Variants in NELL2 observed in about 807,000 individuals in gnomAD.
The protein encoded by NELL2 is protein kinase C-binding protein NELL2.
In NELL2, 41 loss-of-function variants were observed where a neutral mutation model predicts 109.6. The ratio of observed to expected loss-of-function variants is 0.37; its 90% CI spans 0.29 to 0.49. The LOEUF is 0.49. Ranked by LOEUF, NELL2 falls within the 20% of genes least tolerant of loss-of-function variation. The pLI, the probability that NELL2 is intolerant of heterozygous loss-of-function variation, is 0.98. For missense variants in NELL2, 900 were observed against 1,008.3 expected, an observed-to-expected ratio of 0.89 and a Z score of 1.45; for synonymous variants, 355 against 344.7, an observed-to-expected ratio of 1.03 and a Z score of -0.33.
chr12:44,821,786 C>T (rs1322210333), intron 2 of NELL2, among the ~76,000 whole-genome samples: 3 of 151,808 alleles, frequency 2.0e-5, no homozygotes, highest in Non-Finnish European at 2.9e-5. Flanking sequence ...GATGCAATCT[C>T]GGCTCACTGC....
At chr12:44,563,240 C>A (rs919752494) in intron 15 of NELL2, among the ~76,000 whole-genome samples, 1 of 151,968 alleles carries the variant, frequency 6.6e-6, no homozygotes, top group African/African-American at 2.4e-5. Context: ...GTGCAGCAAA[C>A]CACCATGGCA....
intron 12 of NELL2, among the ~76,000 whole-genome samples, chr12:44,676,901 C>A (rs1413613976): frequency 1.3e-5 from 2 of 152,068 alleles, no homozygotes; most frequent in Non-Finnish European, 2.9e-5. Context: ...AACTTAGATA[C>A]CAACAGCATA....
intron 15 of NELL2, among the ~76,000 whole-genome samples, chr12:44,538,788 G>C (rs1427647179): frequency 1.3e-5 from 2 of 152,172 alleles, no homozygotes; most frequent in Non-Finnish European, 2.9e-5. Flanking sequence ...CATGTCCCCT[G>C]TGTTGATGTC....
In NELL2 at chr12:44,714,631, C is replaced by T; in HGVS notation, c.1086+19G>A. 1 of 1,462,708 alleles carries T rather than the reference C, an allele frequency of 6.8e-7. No individual in the cohort carries two copies. Among genetic ancestry groups the T allele is most frequent in the Non-Finnish European group, 9.3e-7 (1 of 1,074,152 alleles). The allele number at this position is 1,462,708 out of a possible 1,614,324, so 90.6% of individuals were successfully genotyped here. ...ATAAATAGAAACAATTTTGAAAGACCCACGAATAGTCTTCTTACCTTGCAC... is the reference window on the plus strand; with the variant it reads ...ATAAATAGAAACAATTTTGAAAGACTCACGAATAGTCTTCTTACCTTGCAC... On this transcript the variant is annotated intron_variant, in intron 10 of 19. Transcript: ENST00000429094.
intron 15 of NELL2, among the ~76,000 whole-genome samples, chr12:44,572,020 GA>G (rs985844695): frequency 6.6e-6 from 1 of 151,616 alleles, no homozygotes; most frequent in African/African-American, 2.4e-5. Flanking sequence ...GCTCAAAAAA[GA>G]AAAAAAGGAC....
intron 19 of NELL2, 23 bp from the exon 20 acceptor site, chr12:44,509,007 G>T: frequency 6.2e-7 from 1 of 1,601,786 alleles, no homozygotes; most frequent in Non-Finnish European, 8.5e-7. Flanking sequence ...AAAGTAGAAA[G>T]AAAAACAGTA....
intron 3 of NELL2, 131 bp downstream of exon 3, chr12:44,815,855 G>A: frequency 2.1e-6 from 2 of 961,892 alleles, no homozygotes; most frequent in Non-Finnish European, 3.0e-6. Flanking sequence ...CTGACCTCGT[G>A]ATTTGCCCAC....
intron 19 of NELL2, among the ~76,000 whole-genome samples, chr12:44,516,703 C>T (rs1010394655): frequency 1.3e-5 from 2 of 152,072 alleles, no homozygotes; most frequent in Admixed American, 1.3e-4. Flanking sequence ...CTTTGTCACC[C>T]AAGGTGGAGT....
chr12:44,661,140 T>C (rs1053548799), intron 13 of NELL2, among the ~76,000 whole-genome samples: 6 of 152,138 alleles, frequency 3.9e-5, no homozygotes, highest in Non-Finnish European at 8.8e-5. Flanking sequence ...TGAGCATGCA[T>C]ACAACTTCCT....
chr12:44,800,094 C>T (rs989141253), intron 3 of NELL2, among the ~76,000 whole-genome samples: 2 of 151,950 alleles, frequency 1.3e-5, no homozygotes, highest in Non-Finnish European at 2.9e-5. Context: ...GAATAACACG[C>T]TTATTGAGGA....
chr12:44,722,142 C>T (rs1938809088), intron 9 of NELL2, among the ~76,000 whole-genome samples: 1 of 151,478 alleles, frequency 6.6e-6, no homozygotes, highest in Admixed American at 6.6e-5. Context: ...TTCATAAAGA[C>T]ATGGGGCAAG....
At chr12:44,637,864 C>A (rs921493908) in intron 13 of NELL2, among the ~76,000 whole-genome samples, 2 of 151,884 alleles carry the variant, frequency 1.3e-5, no homozygotes, top group Non-Finnish European at 2.9e-5. Context: ...AGACTAGCCT[C>A]CTGTGTCTAT....
chr12:44,819,639 C>G (rs963327368), intron 2 of NELL2, among the ~76,000 whole-genome samples: 2 of 152,122 alleles, frequency 1.3e-5, no homozygotes, highest in African/African-American at 4.8e-5. Context: ...GGACTCCATC[C>G]AGCTTAAACT....
intron 9 of NELL2, among the ~76,000 whole-genome samples, chr12:44,736,333 T>G (rs527627265): frequency 1.3e-5 from 2 of 152,096 alleles, no homozygotes; most frequent in Non-Finnish European, 2.9e-5. Context: ...AAAAAAAGCA[T>G]TGGGTAACTC....
intron 10 of NELL2, among the ~76,000 whole-genome samples, chr12:44,711,915 A>G (rs928433164): frequency 6.6e-6 from 1 of 152,126 alleles, no homozygotes; most frequent in African/African-American, 2.4e-5. Flanking sequence ...TTGTAAATTA[A>G]TGTCTAGCAC....
chr12:44,830,386 A>G (rs971417308), intron 2 of NELL2, among the ~76,000 whole-genome samples: 6 of 152,186 alleles, frequency 3.9e-5, no homozygotes, highest in Non-Finnish European at 8.8e-5. Context: ...TCCTTCTTTA[A>G]TTATAATAAT....
At chr12:44,574,146 C>A (rs985471494) in intron 15 of NELL2, among the ~76,000 whole-genome samples, 3 of 151,964 alleles carry the variant, frequency 2.0e-5, no homozygotes, top group Non-Finnish European at 4.4e-5. Flanking sequence ...TCACTGCAAC[C>A]TCTGTCTCTT....
At chr12:44,638,017 T>A (rs1321199645) in intron 13 of NELL2, among the ~76,000 whole-genome samples, 1 of 152,056 alleles carries the variant, frequency 6.6e-6, no homozygotes, top group Non-Finnish European at 1.5e-5. Flanking sequence ...TTTGTCAGAT[T>A]CCCTCATCCT....
chr12:44,875,214 GC>G lies in NELL2; in HGVS notation c.184+10del, dbSNP rs757539975. 6.2e-6 allele frequency: 10 copies of G among 1,604,930 alleles called. No homozygotes were observed. Reference sequence around the variant, plus strand: ...TGAAATCACAGTGGGGATGCAGCACGCCGGGCATACCTTGAAAGAGAAAGGC... The same window carrying G: ...TGAAATCACAGTGGGGATGCAGCACGCGGGCATACCTTGAAAGAGAAAGGC... On this transcript the variant is annotated intron_variant, in intron 2 of 19. Coordinates refer to ENST00000429094, the MANE Select transcript of NELL2 (RefSeq NM_001145108.2).
Sources: allele counts gnomAD v4.1 joint callset (sites outside exome capture counted in the v4.1 genomes callset), GRCh38; gene constraint gnomAD v4.1.1; transcripts MANE v1.5; gene names NCBI Gene and HGNC (gene_info 2026-07-23, HGNC 2026-07-21).